The following HERC3 variants were observed in gnomAD, a reference collection of about 807,000 sequenced individuals.
HERC3 encodes HECT and RLD domain containing E3 ubiquitin protein ligase 3.
Under a neutral mutation model 129.9 loss-of-function variants are expected in HERC3, and 58 were observed. The observed-to-expected ratio is 0.45, with a 90% confidence interval of 0.36 to 0.56. The LOEUF (loss-of-function observed/expected upper bound fraction) is 0.56. HERC3 is among the 20% of genes least tolerant of loss of function. HERC3 has a pLI of 0.00. For missense variants in HERC3, 835 were observed against 1,244.2 expected, an observed-to-expected ratio of 0.67 and a Z score of 4.95; for synonymous variants, 430 against 451.0, an observed-to-expected ratio of 0.95 and a Z score of 0.59.
At chr4:88,558,061 G>C in the HERC3 span, among the ~76,000 whole-genome samples, 1 of 109,208 alleles carries the variant, frequency 9.2e-6, no homozygotes, top group Non-Finnish European at 1.7e-5. Context: ...ACGAGAGCGA[G>C]ACTCTGACTC....
At chr4:88,622,282 A>G (rs528909822) in intron 3 of HERC3, among the ~76,000 whole-genome samples, 32 of 152,316 alleles carry the variant, frequency 2.1e-4, no homozygotes, top group Admixed American at 1.7e-3. Context: ...AGCATTTTCC[A>G]GGTCCATCCA....
the HERC3 span, among the ~76,000 whole-genome samples, chr4:88,582,557 A>G: frequency 1.3e-5 from 2 of 152,170 alleles, no homozygotes; most frequent in East Asian, 1.9e-4. Context: ...TTTAAAAGAA[A>G]TGTAACTGTC....
intron 2 of HERC3, among the ~76,000 whole-genome samples, chr4:88,600,469 A>G (rs1722857323): frequency 6.6e-6 from 1 of 152,214 alleles, no homozygotes; most frequent in South Asian, 2.1e-4. Context: ...ACTAATATAC[A>G]CAATATTTCT....
At chr4:88,610,858 AGCTAATGGTAGGT>A (rs1161113333) in intron 3 of HERC3, among the ~76,000 whole-genome samples, 1 of 152,180 alleles carries the variant, frequency 6.6e-6, no homozygotes, top group African/African-American at 2.4e-5. Context: ...AGCTCCAAGG[AGCTAATGGTAGGT>A]GTTGCTGGGC....
the HERC3 span, among the ~76,000 whole-genome samples, chr4:88,544,523 G>C: frequency 6.6e-6 from 1 of 152,198 alleles, no homozygotes; most frequent in Non-Finnish European, 1.5e-5. Context: ...ATTCCTCAAG[G>C]ATCTAGAAGT....
At chr4:88,557,000 A>G in the HERC3 span, among the ~76,000 whole-genome samples, 1 of 151,676 alleles carries the variant, frequency 6.6e-6, no homozygotes, top group Non-Finnish European at 1.5e-5. Context: ...ATATTCACAC[A>G]TTTTGCAGTT....
intron 3 of HERC3, among the ~76,000 whole-genome samples, chr4:88,644,589 CAG>C (rs1439032180): frequency 6.6e-6 from 1 of 152,064 alleles, no homozygotes; most frequent in Non-Finnish European, 1.5e-5. Context: ...TGTTGGTTGT[CAG>C]GGGTTAAGGA....
At chr4:88,574,109 A>T in the HERC3 span, among the ~76,000 whole-genome samples, 2 of 152,164 alleles carry the variant, frequency 1.3e-5, no homozygotes, top group Admixed American at 6.5e-5. Flanking sequence ...TGAAAACTGC[A>T]GCTCCCTGAA....
chr4:88,663,894 A>G (rs1020991506), intron 11 of HERC3, among the ~76,000 whole-genome samples: 1 of 152,128 alleles, frequency 6.6e-6, no homozygotes, highest in Non-Finnish European at 1.5e-5. Flanking sequence ...ATTCAAGAAC[A>G]TTATTGGGAC....
At chr4:88,540,080 G>C in the HERC3 span, among the ~76,000 whole-genome samples, 1 of 152,212 alleles carries the variant, frequency 6.6e-6, no homozygotes, top group Non-Finnish European at 1.5e-5. Context: ...AAACTGGACA[G>C]AGAATGACTT....
chr4:88,697,874 T>G, intron 23 of HERC3: 1 of 1,392,644 alleles, frequency 7.2e-7, no homozygotes, highest in Non-Finnish European at 9.6e-7. Flanking sequence ...GGGAATGACG[T>G]TGGCCGCGGC....
chr4:88,562,091 T>C, the HERC3 span, among the ~76,000 whole-genome samples: 2 of 152,324 alleles, frequency 1.3e-5, no homozygotes, highest in Non-Finnish European at 2.9e-5. Context: ...ATAGTGGCTG[T>C]ACTCATTTAC....
chr4:88,628,358 T>C (rs1429370363), intron 3 of HERC3, among the ~76,000 whole-genome samples: 2 of 152,234 alleles, frequency 1.3e-5, no homozygotes, highest in East Asian at 1.9e-4. Flanking sequence ...TAAATAACTT[T>C]AGCTTTCTCT....
chr4:88,614,166 G>T (rs1390837607), intron 3 of HERC3, among the ~76,000 whole-genome samples: 1 of 152,158 alleles, frequency 6.6e-6, no homozygotes, highest in Admixed American at 6.5e-5. Context: ...AGTGGTTAAT[G>T]ATACATATAT....
chr4:88,585,964 G>A, the HERC3 span, among the ~76,000 whole-genome samples: 2 of 152,152 alleles, frequency 1.3e-5, no homozygotes, highest in African/African-American at 2.4e-5. Flanking sequence ...CTCAGATATC[G>A]TGTGTGTGTT....
chr4:88,687,964 A>G (rs1369957294), intron 23 of HERC3, among the ~76,000 whole-genome samples: 1 of 152,238 alleles, frequency 6.6e-6, no homozygotes, highest in Non-Finnish European at 1.5e-5. Flanking sequence ...TTTACTTTAC[A>G]AACACTGAGT....
chr4:88,627,913 A>C (rs1356151597), intron 3 of HERC3, among the ~76,000 whole-genome samples: 1 of 137,150 alleles, frequency 7.3e-6, no homozygotes, highest in Non-Finnish European at 1.5e-5. Context: ...TCAAAAAAAA[A>C]AAAAAAAAAA....
the HERC3 span, among the ~76,000 whole-genome samples, chr4:88,533,068 G>A: frequency 3.0e-4 from 46 of 152,334 alleles, no homozygotes; most frequent in South Asian, 1.0e-3. Context: ...AGCCGACAGC[G>A]CAGCCTTCAG....
At chr4:88,543,217 G>A in the HERC3 span, among the ~76,000 whole-genome samples, 1 of 152,282 alleles carries the variant, frequency 6.6e-6, no homozygotes, top group Non-Finnish European at 1.5e-5. Flanking sequence ...ATCTCCTTAA[G>A]CTGATAAGCA....
Sources: allele counts gnomAD v4.1 joint callset (sites outside exome capture counted in the v4.1 genomes callset), GRCh38; gene constraint gnomAD v4.1.1; transcripts MANE v1.5; gene names NCBI Gene and HGNC (gene_info 2026-07-23, HGNC 2026-07-21).